The following GATB variants were observed in gnomAD, a reference collection of about 807,000 sequenced individuals.
The protein encoded by GATB is glutamyl-tRNA amidotransferase subunit B.
Under a neutral mutation model 62.3 loss-of-function variants are expected in GATB, and 39 were observed. That is an observed-to-expected ratio of 0.63 (90% CI 0.48 to 0.82). GATB has a LOEUF of 0.82. Ranked by LOEUF, GATB falls within the 40% of genes least tolerant of loss-of-function variation. GATB has a pLI of 0.00. For missense variants in GATB, 670 were observed against 684.0 expected, an observed-to-expected ratio of 0.98 and a Z score of 0.23; for synonymous variants, 276 against 258.9, an observed-to-expected ratio of 1.07 and a Z score of -0.63.
chr4:151,673,219 A>C, intron 11 of GATB: 1 of 178,310 alleles, frequency 5.6e-6, no homozygotes, highest in Non-Finnish European at 1.1e-5. Context: ...TCGTGCCCAG[A>C]GGGATGGTGA....
intron 9 of GATB, among the ~76,000 whole-genome samples, chr4:151,695,180 G>A (rs1191252586): frequency 6.6e-6 from 1 of 152,138 alleles, no homozygotes; most frequent in African/African-American, 2.4e-5. Flanking sequence ...CTGTTTTAGC[G>A]CGTTGCTTGG....
chr4:151,742,136 C>T (rs552527212), intron 2 of GATB, among the ~76,000 whole-genome samples: 41 of 151,128 alleles, frequency 2.7e-4, no homozygotes, highest in Admixed American at 8.6e-4. Context: ...TCGCCCAGGC[C>T]GGAGTGCAGT....
At chr4:151,719,374 C>T in intron 3 of GATB, 51 bp downstream of exon 3, 1 of 1,338,100 alleles carries the variant, frequency 7.5e-7, no homozygotes, top group Non-Finnish European at 1.1e-6. Context: ...CACAGCAGGG[C>T]TGGCCCAGCT....
chr4:151,712,932 C>G (rs1738847268), intron 5 of GATB, among the ~76,000 whole-genome samples: 1 of 152,178 alleles, frequency 6.6e-6, no homozygotes, highest in Non-Finnish European at 1.5e-5. Flanking sequence ...CCAGATGGCA[C>G]AGCAGGAGGT....
chr4:151,717,826 A>G (rs1738943907), intron 3 of GATB, among the ~76,000 whole-genome samples: 1 of 152,206 alleles, frequency 6.6e-6, no homozygotes, highest in Admixed American at 6.5e-5. Flanking sequence ...AATAAAAGCA[A>G]AGGCATCTGT....
chr4:151,736,697 C>A (rs929254350), intron 2 of GATB, among the ~76,000 whole-genome samples: 2 of 152,192 alleles, frequency 1.3e-5, no homozygotes, highest in African/African-American at 4.8e-5. Flanking sequence ...TTTGGCTGTT[C>A]CCCACCCAAA....
In GATB at chr4:151,705,245, T is replaced by C. The variant is rs757887545; in HGVS notation, c.902A>G (p.Asn301Ser). Residue 301 changes from asparagine to serine, a missense_variant, in exon 7 of 13, where the codon AAT becomes AGT. Transcript: ENST00000263985. Reference sequence around the variant, plus strand: ...AATTTCACCTCCATTCTCAAGTTCATTGATTTGCCTCTGAATTTCATAGTC... The same window carrying C: ...AATTTCACCTCCATTCTCAAGTTCACTGATTTGCCTCTGAATTTCATAGTC... ...AIDYEIQRQINELENGGEILN... is the reference protein window; with the variant it reads ...AIDYEIQRQISELENGGEILN... 25 of 1,611,940 alleles carry C rather than the reference T, an allele frequency of 1.6e-5. No homozygotes were observed. Among genetic ancestry groups the C allele is most frequent in the Non-Finnish European group, 2.0e-5 (23 of 1,178,088 alleles).
intron 2 of GATB, among the ~76,000 whole-genome samples, chr4:151,727,166 C>T (rs1195318981): frequency 6.6e-6 from 1 of 152,208 alleles, no homozygotes; most frequent in Non-Finnish European, 1.5e-5. Flanking sequence ...AGCGGTGTGC[C>T]CGCCTCAGCC....
intron 11 of GATB, chr4:151,677,658 T>C (rs1738036253): frequency 6.6e-6 from 1 of 152,122 alleles, no homozygotes; most frequent in East Asian, 1.9e-4. Context: ...ACAGACAAAA[T>C]GGAATGTGTC....
In GATB at chr4:151,753,742, T is replaced by C. The variant is rs529124634; in HGVS notation, c.327+5030A>G. On this transcript the variant is annotated intron_variant, in intron 2 of 12. Coordinates refer to ENST00000263985, the MANE Select transcript of GATB (RefSeq NM_004564.3). ...TCTTAAACACATTTTAAGTGTACACTATCATAGACTACATAACTCATCAGC... is the reference window on the plus strand; with the variant it reads ...TCTTAAACACATTTTAAGTGTACACCATCATAGACTACATAACTCATCAGC... Among the ~76,000 whole-genome samples, 6 of 151,114 alleles carry C rather than the reference T, an allele frequency of 4.0e-5. No individual in the cohort carries two copies. The East Asian group carries it at 1.2e-3, about 29-fold the overall frequency.
intron 2 of GATB, among the ~76,000 whole-genome samples, chr4:151,738,543 T>C (rs931643278): frequency 2.6e-5 from 4 of 152,232 alleles, no homozygotes; most frequent in Admixed American, 6.5e-5. Context: ...GTCTCAGGTA[T>C]GTTTTTATCA....
intron 2 of GATB, chr4:151,722,286 T>C: frequency 1.4e-6 from 1 of 691,936 alleles, no homozygotes; most frequent in African/African-American, 1.8e-5. Flanking sequence ...TAGGACTCTG[T>C]CTCTGCCCTC....
At chr4:151,713,265 G>T (rs1738854304) in intron 5 of GATB, among the ~76,000 whole-genome samples, 1 of 152,134 alleles carries the variant, frequency 6.6e-6, no homozygotes, top group South Asian at 2.1e-4. Flanking sequence ...TGTAATAATA[G>T]AAATAAAGCA....
chr4:151,760,915 C>G lies in GATB; in HGVS notation c.68G>C (p.Gly23Ala), dbSNP rs760115182. The G allele has an allele frequency of 6.2e-7, 1 of 1,613,998 alleles. No homozygotes were observed. Among genetic ancestry groups the G allele is most frequent in the East Asian group, 2.2e-5 (1 of 44,878 alleles). The change falls in exon 1 of 13, where the codon GGT becomes GCT. Residue 23 changes from glycine to alanine, a missense_variant. Physicochemically the swap from Gly to Ala is moderately conservative, Grantham distance 60 (BLOSUM62 0). Coordinates refer to ENST00000263985, the MANE Select transcript of GATB (RefSeq NM_004564.3). ...RRWAFARVDG[G>A]SCHRRGAPTG... ...CGGAGCCCCTCTTCGGTGGCAAGAACCACCGTCAACCCGGGCGAAAGCCCA... is the reference window on the plus strand; with the variant it reads ...CGGAGCCCCTCTTCGGTGGCAAGAAGCACCGTCAACCCGGGCGAAAGCCCA...
At chr4:151,745,552 A>G (rs1424930052) in intron 2 of GATB, among the ~76,000 whole-genome samples, 1 of 152,250 alleles carries the variant, frequency 6.6e-6, no homozygotes, top group African/African-American at 2.4e-5. Context: ...CTATTTCTTC[A>G]GGGAGGCAAG....
intron 11 of GATB, 63 bp downstream of exon 11, chr4:151,679,750 T>C: frequency 7.6e-7 from 1 of 1,311,438 alleles, no homozygotes; most frequent in Non-Finnish European, 1.1e-6. Context: ...GGCATTTGGG[T>C]GTCACAGAAA....
At chr4:151,717,429 A>G in intron 3 of GATB, 1 of 265,088 alleles carries the variant, frequency 3.8e-6, no homozygotes, top group Non-Finnish European at 7.3e-6. Context: ...CATCCAGCTC[A>G]TTAGCCTAAA....
At chr4:151,721,983 G>T in intron 2 of GATB, 3 of 559,692 alleles carry the variant, frequency 5.4e-6, no homozygotes, top group African/African-American at 1.9e-5. Context: ...ATCTTTTTTT[G>T]ATGATTTAGA....
At chr4:151,725,669 A>G (rs1412642803) in intron 2 of GATB, among the ~76,000 whole-genome samples, 1 of 152,260 alleles carries the variant, frequency 6.6e-6, no homozygotes. Context: ...CAGAATAAAG[A>G]AGATTATATA....
Sources: gnomAD v4.1 joint callset for allele counts (sites outside exome capture counted in the v4.1 genomes callset) on GRCh38, gnomAD v4.1.1 for gene constraint, MANE v1.5 for transcripts, NCBI Gene and HGNC (gene_info 2026-07-23, HGNC 2026-07-21) for gene names.